Variants in FSTL5 observed in about 807,000 individuals in gnomAD.
FSTL5 encodes follistatin like 5.
In FSTL5, 62 loss-of-function variants were observed where a neutral mutation model predicts 89.1. The observed-to-expected ratio is 0.70, with a 90% CI of 0.57 to 0.86. The LOEUF (loss-of-function observed/expected upper bound fraction) is 0.86. FSTL5 is among the 40% of genes least tolerant of loss of function. The pLI is 0.00. For synonymous variants in FSTL5, 383 were observed against 346.2 expected, an observed-to-expected ratio of 1.11 and a Z score of -1.18; for missense variants, 1,057 against 1,001.6, an observed-to-expected ratio of 1.06 and a Z score of -0.75.
At chr4:162,042,715 T>C (rs1200071059) in intron 2 of FSTL5, among the ~76,000 whole-genome samples, 1 of 151,996 alleles carries the variant, frequency 6.6e-6, no homozygotes, top group African/African-American at 2.4e-5. Flanking sequence ...TATTTCTCAA[T>C]GTATATTAAT....
chr4:161,616,082 T>G (rs1463717880), intron 7 of FSTL5, among the ~76,000 whole-genome samples: 3 of 151,910 alleles, frequency 2.0e-5, no homozygotes, highest in Non-Finnish European at 4.4e-5. Context: ...TTTCTTTTTC[T>G]TTTTTTATTT....
chr4:161,846,672 T>C (rs2126876678), intron 4 of FSTL5, among the ~76,000 whole-genome samples: 1 of 152,308 alleles, frequency 6.6e-6, no homozygotes, highest in Middle Eastern at 3.4e-3. Context: ...AGTTTTTATG[T>C]CATTGACATT....
At position 162,135,977 on chromosome 4, in the gene FSTL5, A is replaced by G. The variant is rs1242312572; in HGVS notation, c.-16-24565T>C. Among the ~76,000 whole-genome samples, 4 of 151,638 alleles carry G rather than the reference A, an allele frequency of 2.6e-5. No homozygotes were observed. The East Asian group carries it at 7.7e-4, about 29-fold the overall frequency. On this transcript the variant is annotated intron_variant, in intron 1 of 15. Transcript: ENST00000306100. ...TCACATTCTATCTCGCTTTTCATGCACTCTTGTGACTCTGGTTGCCATATA... is the reference window on the plus strand; with the variant it reads ...TCACATTCTATCTCGCTTTTCATGCGCTCTTGTGACTCTGGTTGCCATATA...
chr4:161,410,089 A>G (rs1007848080), intron 15 of FSTL5, among the ~76,000 whole-genome samples: 2 of 152,230 alleles, frequency 1.3e-5, no homozygotes, highest in East Asian at 3.9e-4. Flanking sequence ...TGCTGTTCTT[A>G]TATCAGATAA....
Position 161,698,608 on chromosome 4 carries a change from G to A in FSTL5, c.728-42114C>T, listed in dbSNP as rs1324223939. Among the ~76,000 whole-genome samples, 3 of 152,126 alleles carry A rather than the reference G, an allele frequency of 2.0e-5. No homozygotes were observed. In the East Asian group the frequency reaches 5.8e-4, roughly 29 times the overall value. ...AGCATTAATGAAAGTTTTGGAGAAG[G>A]TGAAGGGTAAGAGAGAGTGAATCTA... On this transcript the variant is annotated intron_variant, in intron 6 of 15. Transcript: ENST00000306100.
At chr4:161,885,779 C>T (rs114804728) in intron 4 of FSTL5, among the ~76,000 whole-genome samples, 1,943 of 152,136 alleles carry the variant, frequency 0.013, 18 homozygotes, top group Non-Finnish European at 0.02. Context: ...TTCTTTGCTT[C>T]TTTCCTTGTT....
At chr4:161,779,775 G>A (rs6816176) in intron 4 of FSTL5, among the ~76,000 whole-genome samples, 10,542 of 23,402 alleles carry the variant, frequency 0.45, 2,025 homozygotes, top group East Asian at 0.6. Flanking sequence ...ATATATATAT[G>A]TATATATATA....
At chr4:161,952,398 T>C (rs1285964450) in intron 3 of FSTL5, among the ~76,000 whole-genome samples, 5 of 152,060 alleles carry the variant, frequency 3.3e-5, no homozygotes, top group Non-Finnish European at 7.4e-5. Context: ...GTAATCATTA[T>C]AGACTAATTT....
intron 11 of FSTL5, among the ~76,000 whole-genome samples, chr4:161,505,869 C>T (rs974048039): frequency 1.3e-5 from 2 of 151,788 alleles, no homozygotes; most frequent in African/African-American, 4.8e-5. Flanking sequence ...TTTAGCAGAC[C>T]AGTTAGTGAA....
At chr4:161,490,213 A>G (rs367673308) in intron 12 of FSTL5, among the ~76,000 whole-genome samples, 2 of 152,240 alleles carry the variant, frequency 1.3e-5, no homozygotes, top group East Asian at 3.9e-4. Flanking sequence ...CTTTTAAGGA[A>G]AAGCATCATA....
chr4:161,541,275 C>T (rs1731810064), intron 9 of FSTL5, among the ~76,000 whole-genome samples: 1 of 152,018 alleles, frequency 6.6e-6, no homozygotes, highest in Admixed American at 6.6e-5. Flanking sequence ...TTTGCAAGCA[C>T]CTTCTCTTTT....
In FSTL5 at chr4:161,953,064, C is replaced by T. The variant is rs1482293183; in HGVS notation, c.161-32412G>A. ...TTTTAGACATTTATGTTCCTGAAGGCCCTGAAGATAGATGGCTGGATCAAA... is the reference window on the plus strand; with the variant it reads ...TTTTAGACATTTATGTTCCTGAAGGTCCTGAAGATAGATGGCTGGATCAAA... On this transcript the variant is annotated intron_variant, in intron 3 of 15. Coordinates refer to ENST00000306100, the MANE Select transcript of FSTL5 (RefSeq NM_020116.5). Among the ~76,000 whole-genome samples, 3 of 151,758 alleles carry T rather than the reference C, an allele frequency of 2.0e-5. No homozygotes were observed. In the East Asian group the frequency reaches 5.8e-4, roughly 29 times the overall value.
At chr4:162,157,227 T>C (rs1733511830) in intron 1 of FSTL5, among the ~76,000 whole-genome samples, 1 of 152,088 alleles carries the variant, frequency 6.6e-6, no homozygotes, top group Admixed American at 6.6e-5. Flanking sequence ...CTGCGTATTG[T>C]ATAGGAAGAA....
intron 4 of FSTL5, among the ~76,000 whole-genome samples, chr4:161,866,860 A>C (rs948996716): frequency 2.6e-5 from 4 of 152,014 alleles, no homozygotes; most frequent in African/African-American, 7.2e-5. Flanking sequence ...TGAGGAAATA[A>C]AGAAATAAAT....
At chr4:162,108,795 T>G (rs1731326832) in intron 2 of FSTL5, among the ~76,000 whole-genome samples, 1 of 151,658 alleles carries the variant, frequency 6.6e-6, no homozygotes, top group South Asian at 2.1e-4. Context: ...GAAATATATA[T>G]ATGTATATAT....
intron 5 of FSTL5, among the ~76,000 whole-genome samples, chr4:161,770,334 G>T (rs573381635): frequency 2.6e-5 from 4 of 151,910 alleles, no homozygotes; most frequent in Non-Finnish European, 5.9e-5. Flanking sequence ...TACATTTTCC[G>T]CAACTAGAAG....
intron 6 of FSTL5, among the ~76,000 whole-genome samples, chr4:161,720,251 GATAC>G (rs1367525257): frequency 6.8e-6 from 1 of 147,578 alleles, no homozygotes; most frequent in African/African-American, 2.5e-5. Flanking sequence ...ATAGCGTACA[GATAC>G]ATGAATAAAA....
At chr4:161,648,118 T>C (rs1401912835) in intron 7 of FSTL5, among the ~76,000 whole-genome samples, 1 of 152,142 alleles carries the variant, frequency 6.6e-6, no homozygotes, top group Non-Finnish European at 1.5e-5. Context: ...TCCAAGCCCA[T>C]GTGTGATCCG....
chr4:161,878,240 T>C (rs1341579867), intron 4 of FSTL5, among the ~76,000 whole-genome samples: 1 of 152,134 alleles, frequency 6.6e-6, no homozygotes, highest in Non-Finnish European at 1.5e-5. Context: ...TGAGTCACAG[T>C]TTATTTGTAC....
Sources: gnomAD v4.1 joint callset for allele counts (sites outside exome capture counted in the v4.1 genomes callset) on GRCh38, gnomAD v4.1.1 for gene constraint, MANE v1.5 for transcripts, NCBI Gene and HGNC (gene_info 2026-07-23, HGNC 2026-07-21) for gene names.